Variants in SGCD observed in about 807,000 individuals in gnomAD.
The protein encoded by SGCD is sarcoglycan delta.
A neutral mutation model predicts 36.6 loss-of-function variants in SGCD; 18 were observed. That is an observed-to-expected ratio of 0.49 (90% confidence interval 0.34 to 0.73). The LOEUF (loss-of-function observed/expected upper bound fraction) is 0.73. SGCD is among the 30% of genes least tolerant of loss of function. The pLI is 0.01. For synonymous variants in SGCD, 133 were observed against 130.6 expected, an observed-to-expected ratio of 1.02 and a Z score of -0.12; for missense variants, 387 against 346.7, an observed-to-expected ratio of 1.12 and a Z score of -0.92.
chr5:156,414,276 T>C (rs1262637419), intron 3 of SGCD, among the ~76,000 whole-genome samples: 2 of 152,250 alleles, frequency 1.3e-5, no homozygotes, highest in African/African-American at 4.8e-5. Context: ...AATCTTTAAA[T>C]GCCTTTTGAT....
At chr5:156,366,674 A>G (rs1320667073) in intron 3 of SGCD, among the ~76,000 whole-genome samples, 4 of 152,236 alleles carry the variant, frequency 2.6e-5, no homozygotes, top group Non-Finnish European at 5.9e-5. Flanking sequence ...TGGAGCTAAC[A>G]TAGCAACAAT....
At chr5:156,422,380 G>A (rs138122549) in intron 3 of SGCD, among the ~76,000 whole-genome samples, 3 of 151,830 alleles carry the variant, frequency 2.0e-5, no homozygotes, top group South Asian at 2.1e-4. Context: ...TTTCTCACAC[G>A]TCAAAGAAAA....
At chr5:155,756,737 T>C in the SGCD span, among the ~76,000 whole-genome samples, 5 of 152,206 alleles carry the variant, frequency 3.3e-5, no homozygotes, top group African/African-American at 1.2e-4. Context: ...GTTTTGCAGG[T>C]ATGGCTCATG....
At chr5:155,990,089 A>G (rs1581030125) in intron 1 of SGCD, among the ~76,000 whole-genome samples, 1 of 152,182 alleles carries the variant, frequency 6.6e-6, no homozygotes, top group South Asian at 2.1e-4. Flanking sequence ...ATGAGAGACA[A>G]CTGCTGTCAG....
chr5:156,683,740 G>T (rs988849445), intron 7 of SGCD, among the ~76,000 whole-genome samples: 3 of 152,168 alleles, frequency 2.0e-5, no homozygotes, highest in Admixed American at 6.5e-5. Context: ...ACGTGATCTT[G>T]AGCAACTCTC....
At chr5:156,669,789 C>T (rs1753212222) in intron 7 of SGCD, among the ~76,000 whole-genome samples, 1 of 152,156 alleles carries the variant, frequency 6.6e-6, no homozygotes, top group African/African-American at 2.4e-5. Flanking sequence ...TCTCTGTAGG[C>T]CTTGAACCAG....
intron 3 of SGCD, among the ~76,000 whole-genome samples, chr5:156,300,163 C>A (rs1471190935): frequency 1.3e-5 from 2 of 152,008 alleles, no homozygotes; most frequent in Admixed American, 6.6e-5. Flanking sequence ...TCTATCAAAT[C>A]TTTATTCAGC....
At chr5:156,021,296 T>G (rs1220801367) in intron 1 of SGCD, among the ~76,000 whole-genome samples, 1 of 152,236 alleles carries the variant, frequency 6.6e-6, no homozygotes, top group South Asian at 2.1e-4. Context: ...ATGTATTGTA[T>G]GACAGGTGCT....
the SGCD span, among the ~76,000 whole-genome samples, chr5:155,764,657 A>G: frequency 6.6e-6 from 1 of 152,188 alleles, no homozygotes; most frequent in Non-Finnish European, 1.5e-5. Context: ...AGAGGGGGTC[A>G]CAAGACCAAC....
the SGCD span, among the ~76,000 whole-genome samples, chr5:155,735,173 G>A: frequency 2.6e-5 from 4 of 152,164 alleles, no homozygotes; most frequent in East Asian, 5.8e-4. Flanking sequence ...CATAGGAGTT[G>A]AAAGCCATGA....
upstream of SGCD, among the ~76,000 whole-genome samples, chr5:156,323,544 T>C (rs1767727780): frequency 6.8e-6 from 1 of 146,138 alleles, no homozygotes; most frequent in South Asian, 2.2e-4. Flanking sequence ...ATCCTAGACA[T>C]TGGAAAAATG....
At chr5:156,739,431 A>AAGAGAC (rs1253984619) in intron 7 of SGCD, among the ~76,000 whole-genome samples, 7 of 152,210 alleles carry the variant, frequency 4.6e-5, no homozygotes, top group African/African-American at 1.7e-4. Flanking sequence ...AAAACAAGTA[A>AAGAGAC]AGAGACAAAT....
intron 1 of SGCD, among the ~76,000 whole-genome samples, chr5:156,073,175 A>C (rs897120326): frequency 6.6e-6 from 1 of 152,116 alleles, no homozygotes; most frequent in South Asian, 2.1e-4. Context: ...AATTCAGGAA[A>C]CTTGCTTGTA....
the SGCD span, among the ~76,000 whole-genome samples, chr5:155,793,313 A>G: frequency 2.0e-5 from 3 of 152,146 alleles, no homozygotes; most frequent in Non-Finnish European, 4.4e-5. Context: ...TACCTGGATG[A>G]CAAGACCATT....
intron 1 of SGCD, among the ~76,000 whole-genome samples, chr5:155,944,490 T>A (rs1316549153): frequency 6.6e-6 from 1 of 152,228 alleles, no homozygotes; most frequent in African/African-American, 2.4e-5. Context: ...TTGTTTTACC[T>A]TAAGCTATAG....
chr5:155,821,566 G>A, the SGCD span, among the ~76,000 whole-genome samples: 12 of 152,140 alleles, frequency 7.9e-5, no homozygotes, highest in Non-Finnish European at 1.8e-4. Flanking sequence ...ACTTGCCTTG[G>A]CCTCCCAAAG....
chr5:155,741,904 C>G, the SGCD span, among the ~76,000 whole-genome samples: 2 of 151,932 alleles, frequency 1.3e-5, no homozygotes, highest in African/African-American at 4.8e-5. Flanking sequence ...AGGCTGGTGT[C>G]GAACTCCTAG....
the SGCD span, among the ~76,000 whole-genome samples, chr5:155,844,347 C>T: frequency 2.0e-5 from 3 of 151,570 alleles, no homozygotes; most frequent in African/African-American, 7.3e-5. Flanking sequence ...TAATAAAGTT[C>T]TCCTTACACT....
chr5:156,357,465 C>T (rs1180376600), intron 3 of SGCD, among the ~76,000 whole-genome samples: 1 of 152,108 alleles, frequency 6.6e-6, no homozygotes, highest in Non-Finnish European at 1.5e-5. Context: ...TGTTCAGTGG[C>T]AATGGTGGTC....
Sources: allele counts gnomAD v4.1 joint callset (sites outside exome capture counted in the v4.1 genomes callset), GRCh38; gene constraint gnomAD v4.1.1; transcripts MANE v1.5; gene names NCBI Gene and HGNC (gene_info 2026-07-23, HGNC 2026-07-21).